The following PTCRA variants were observed in gnomAD, a reference collection of about 807,000 sequenced individuals.
The protein encoded by PTCRA is pre T-cell antigen receptor alpha.
In PTCRA, 9 loss-of-function variants were observed where a neutral mutation model predicts 13.4. The observed-to-expected ratio is 0.67, with a 90% CI of 0.41 to 1.18. The LOEUF is 1.18. Ranked by LOEUF, PTCRA falls within the 50% of genes most tolerant of loss-of-function variation. PTCRA has a pLI of 0.01. For synonymous variants in PTCRA, 153 were observed against 161.9 expected (o/e 0.94, Z 0.42); for missense variants, 353 against 359.8 (o/e 0.98, Z 0.15).
intron 1 of PTCRA, among the ~76,000 whole-genome samples, chr6:42,920,087 G>A (rs1767074185): frequency 6.6e-6 from 1 of 151,738 alleles, no homozygotes; most frequent in African/African-American, 2.4e-5. Context: ...TTGGGAGGTC[G>A]AGGCAGGCGG....
At chr6:42,917,847 G>A (rs1766952493) in intron 1 of PTCRA, among the ~76,000 whole-genome samples, 1 of 151,820 alleles carries the variant, frequency 6.6e-6, no homozygotes, top group South Asian at 2.1e-4. Flanking sequence ...ACTGAGCCCG[G>A]CCTAACACCA....
At position 42,925,191 on chromosome 6, in the gene PTCRA, T is replaced by C; in HGVS notation, c.425-70T>C. 3 of 1,511,566 alleles carry C rather than the reference T, an allele frequency of 2.0e-6. No homozygotes were observed. The highest frequency in any genetic ancestry group is 2.6e-6 in the Non-Finnish European group (3 of 1,133,662). The allele number at this position is 1,511,566 out of a possible 1,614,324, so 93.6% of individuals were successfully genotyped here. On this transcript the variant is annotated intron_variant, in intron 3 of 3. Coordinates refer to ENST00000304672, the MANE Select transcript of PTCRA (RefSeq NM_138296.3). The surrounding 1 kb of genome is among the most constrained non-coding windows in gnomAD (Gnocchi z 4.4). ...CGGGCAAGGGCAGAGGACAAGGCCC[T>C]CTCCGCCGTTCTCTCCTGGGGTAGG... is the stretch of plus-strand genomic sequence containing the variant.
chr6:42,916,642 A>C lies in PTCRA; in HGVS notation c.58+515A>C, dbSNP rs183767976. On this transcript the variant is annotated intron_variant, in intron 1 of 3. Coordinates refer to ENST00000304672, the MANE Select transcript of PTCRA (RefSeq NM_138296.3). ...ATCAGTGGGCTCAGGATAGGACCCA[A>C]GGCCTCTTCCCAGGGTATTTACCCC... 1.5e-3 allele frequency among the ~76,000 whole-genome samples: 221 copies of C among 152,282 alleles called. 1 individual carries two copies. Among genetic ancestry groups the C allele is most frequent in the African/African-American group, 5.1e-3 (212 of 41,568 alleles).
At chr6:42,916,374 C>T (rs574519105) in intron 1 of PTCRA, among the ~76,000 whole-genome samples, 25 of 152,220 alleles carry the variant, frequency 1.6e-4, no homozygotes, top group African/African-American at 5.5e-4. Context: ...CCTATGTCCT[C>T]CTGCCCTGGA....
In PTCRA at chr6:42,925,339, C is replaced by G. The variant is rs1481807892; in HGVS notation, c.503C>G (p.Thr168Ser). The change falls in exon 4 of 4, where the codon ACC becomes AGC. Residue 168 changes from threonine (T) to serine (S), a missense_variant. Transcript: ENST00000304672. This position sits in a 1 kb window ranked among gnomAD's most constrained non-coding sequence, Gnocchi z 4.4. ...CTGCTGCTGTTTGACCTGCTCCTGA[C>G]CTGCAGCTGCCTGTGCGACCCCGCG... ...FKLLLFDLLLTCSCLCDPAGP... is the reference protein window; with the variant it reads ...FKLLLFDLLLSCSCLCDPAGP... 2 of 1,576,360 alleles carry G rather than the reference C, an allele frequency of 1.3e-6. No homozygotes were observed. The highest frequency in any genetic ancestry group is 2.3e-5 in the South Asian group (2 of 87,350).
intron 1 of PTCRA, among the ~76,000 whole-genome samples, chr6:42,919,273 C>T (rs1340816150): frequency 2.6e-5 from 4 of 152,054 alleles, no homozygotes; most frequent in Admixed American, 1.3e-4. Flanking sequence ...GGAATAAAAG[C>T]GTGAGCCACC....
chr6:42,923,190 C>T lies in PTCRA; in HGVS notation c.222C>T (p.Phe74=), dbSNP rs748318011. Residue 74 remains phenylalanine, a synonymous_variant, in exon 2 of 4, where the codon TTC becomes TTT. Transcript: ENST00000304672. ...GCAATGGCAGTGCACTGGATGCCTT[C>T]ACCTATGGCCCTTCCCCAGCAACGG... The part of the protein sequence containing the change: ...SAGNGSALDA[F]TYGPSPATDG... 8 of 1,614,140 alleles carry T rather than the reference C, an allele frequency of 5.0e-6. No homozygotes were observed. Among genetic ancestry groups the T allele is most frequent in the Non-Finnish European group, 5.9e-6 (7 of 1,180,052 alleles).
At chr6:42,924,901 G>C (rs1017242181) in intron 3 of PTCRA, among the ~76,000 whole-genome samples, 5 of 151,996 alleles carry the variant, frequency 3.3e-5, no homozygotes, top group African/African-American at 1.2e-4. Context: ...AACCCGGGAG[G>C]TGGAGGTTGC....
chr6:42,924,434 G>C (rs539780415), intron 3 of PTCRA, 161 bp downstream of exon 3: 1 of 684,192 alleles, frequency 1.5e-6, no homozygotes, highest in Admixed American at 2.5e-5. Flanking sequence ...GGCTAGCATG[G>C]GCCTCAGTCT....
In PTCRA at chr6:42,921,907, C is replaced by T. The variant is rs186404565; in HGVS notation, c.59-1120C>T. On this transcript the variant is annotated intron_variant, in intron 1 of 3. Coordinates refer to ENST00000304672, the MANE Select transcript of PTCRA (RefSeq NM_138296.3). Reference sequence around the variant, plus strand: ...AAATAAAAATGAACTGGCTTGGTGGCGTGGGAACTTGGGAGGCTGAGGCAG... The same window carrying T: ...AAATAAAAATGAACTGGCTTGGTGGTGTGGGAACTTGGGAGGCTGAGGCAG... Among the ~76,000 whole-genome samples the T allele has an allele frequency of 5.2e-3, 791 of 151,560 alleles. 6 individuals carry two copies. Among genetic ancestry groups the T allele is most frequent in the African/African-American group, 0.018 (749 of 41,344 alleles).
chr6:42,922,940 G>C (rs559382975), intron 1 of PTCRA, 87 bp from the exon 2 acceptor site: 1 of 1,262,668 alleles, frequency 7.9e-7, no homozygotes, highest in South Asian at 1.3e-5. Flanking sequence ...TGGAAAGACA[G>C]AAATGTAGAA....
At chr6:42,920,588 C>A (rs1453313490) in intron 1 of PTCRA, among the ~76,000 whole-genome samples, 1 of 151,382 alleles carries the variant, frequency 6.6e-6, no homozygotes, top group Non-Finnish European at 1.5e-5. Flanking sequence ...CCACGCCCGG[C>A]TAATTATTTT....
In PTCRA at chr6:42,924,265, C is replaced by T. The variant is rs1472406155; in HGVS notation, c.416C>T (p.Pro139Leu). The T allele has an allele frequency of 6.2e-7, 1 of 1,611,912 alleles. No individual in the cohort carries two copies. Among genetic ancestry groups the T allele is most frequent in the African/African-American group, 1.3e-5 (1 of 74,734 alleles). The change falls in exon 3 of 4, where the codon CCT (proline) becomes CTT (leucine). Residue 139 changes from proline to leucine, a missense_variant. Pro to Leu is a moderately conservative substitution (Grantham distance 98, BLOSUM62 -3). Coordinates refer to ENST00000304672, the MANE Select transcript of PTCRA (RefSeq NM_138296.3). ...ACAGCCAGGACCTGCCCCCAGGAGC[C>T]TCTCAGGGGTGAGTACTCCGGGCAA... is the stretch of plus-strand genomic sequence containing the variant. Reference protein sequence around the residue: ...ASTARTCPQEPLRGTPGGALW... With the variant: ...ASTARTCPQELLRGTPGGALW...
chr6:42,920,736 C>T (rs888604130), intron 1 of PTCRA, among the ~76,000 whole-genome samples: 5 of 150,936 alleles, frequency 3.3e-5, no homozygotes, highest in African/African-American at 1.2e-4. Context: ...TGACTTAGTT[C>T]TTAAGATTAT....
intron 1 of PTCRA, among the ~76,000 whole-genome samples, chr6:42,921,486 A>G (rs962889819): frequency 7.8e-6 from 1 of 128,752 alleles, no homozygotes; most frequent in Non-Finnish European, 1.6e-5. Flanking sequence ...GGCGTGATCT[A>G]GGCTCACTGC....
At chr6:42,922,285 A>G (rs1207010686) in intron 1 of PTCRA, 1 of 701,646 alleles carries the variant, frequency 1.4e-6, no homozygotes. Context: ...TTTTTTACAC[A>G]TCTACTGTCT....
chr6:42,925,537 G>C lies in PTCRA; in HGVS notation c.701G>C (p.Trp234Ser), dbSNP rs550965943. Reference protein sequence around the residue: ...PPGRKPGSPVWGEGSYLSSYP... With the variant: ...PPGRKPGSPVSGEGSYLSSYP... ...GGTCGGAAGCCCGGGAGCCCAGTAT[G>C]GGGGGAAGGGTCTTACCTCAGCAGT... Residue 234 changes from tryptophan to serine, a missense_variant, in exon 4 of 4, where the codon TGG becomes TCG. Trp to Ser is a radical substitution (Grantham distance 177). Coordinates refer to ENST00000304672, the MANE Select transcript of PTCRA (RefSeq NM_138296.3). This position sits in a 1 kb window ranked among gnomAD's most constrained non-coding sequence, Gnocchi z 4.4. 3.1e-6 allele frequency: 5 copies of C among 1,589,252 alleles called. No homozygotes were observed. The South Asian group carries it at 4.6e-5, about 15-fold the overall frequency.
Position 42,925,184 on chromosome 6 carries a change from A to C in PTCRA, c.425-77A>C. On this transcript the variant is annotated intron_variant, in intron 3 of 3. Coordinates refer to ENST00000304672, the MANE Select transcript of PTCRA (RefSeq NM_138296.3). The surrounding 1 kb of genome is among the most constrained non-coding windows in gnomAD (Gnocchi z 4.4). ...AAGGGGACGGGCAAGGGCAGAGGAC[A>C]AGGCCCTCTCCGCCGTTCTCTCCTG... is the stretch of plus-strand genomic sequence containing the variant. 1 of 1,504,138 alleles carries C rather than the reference A, an allele frequency of 6.6e-7. No individual in the cohort carries two copies. 93.2% of individuals were successfully genotyped at this position (1,504,138 alleles called of 1,614,324 possible). A position where few individuals can be genotyped will look rare whatever the true frequency, so the allele number is the denominator to read the frequency against.
chr6:42,916,081 A>G lies in PTCRA; in HGVS notation c.12A>G (p.Thr4=), dbSNP rs138459529. MAG[T]WLLLLLALGC... is the part of the protein sequence containing the mutation. ...CTTCCGAGTGGGCCATGGCCGGTAC[A>G]TGGCTGCTACTTCTCCTGGCCCTTG... Residue 4 remains threonine (T), a synonymous_variant, in exon 1 of 4, where the codon ACA becomes ACG. Coordinates refer to ENST00000304672, the MANE Select transcript of PTCRA (RefSeq NM_138296.3). The G allele has an allele frequency of 2.5e-6, 4 of 1,613,976 alleles. No homozygotes were observed. Among genetic ancestry groups the G allele is most frequent in the South Asian group, 1.1e-5 (1 of 91,080 alleles).
Sources: allele counts gnomAD v4.1 joint callset (sites outside exome capture counted in the v4.1 genomes callset), GRCh38; gene constraint gnomAD v4.1.1; non-coding constraint Gnocchi (gnomAD v3.1); transcripts MANE v1.5; gene names NCBI Gene and HGNC (gene_info 2026-07-23, HGNC 2026-07-21).